Variants in DISC1 observed in about 807,000 individuals in gnomAD.
DISC1 encodes disrupted in schizophrenia 1 protein.
A neutral mutation model predicts 84.5 loss-of-function variants in DISC1; 57 were observed. The ratio of observed to expected loss-of-function variants is 0.67; its 90% CI spans 0.55 to 0.84. The LOEUF is 0.84. DISC1 is among the 40% of genes least tolerant of loss of function. DISC1 has a pLI of 0.00. For synonymous variants in DISC1, 411 were observed against 415.2 expected, an observed-to-expected ratio of 0.99 and a Z score of 0.12; for missense variants, 1,000 against 1,057.8, an observed-to-expected ratio of 0.95 and a Z score of 0.76.
chr1:231,705,763 G>A (rs148602528), intron 3 of DISC1, among the ~76,000 whole-genome samples: 1 of 152,090 alleles, frequency 6.6e-6, no homozygotes, highest in Admixed American at 6.6e-5. Flanking sequence ...AACATTTTAA[G>A]AATTGTTGAG....
chr1:231,840,241 C>T (rs1350809742), intron 9 of DISC1, among the ~76,000 whole-genome samples: 1 of 152,094 alleles, frequency 6.6e-6, no homozygotes, highest in African/African-American at 2.4e-5. Context: ...GAAGACAGTG[C>T]CAGTGGCTTA....
chr1:231,999,960 AC>A lies in DISC1; in HGVS notation c.2043-8823del, dbSNP rs559185033. On this transcript the variant is annotated intron_variant, in intron 10 of 12. Transcript: ENST00000439617. ...ACCACATATAGAAAAGTAGGACGGG[AC>A]CTGCATGATAAAGCTAAACAGAATT... Among the ~76,000 whole-genome samples the A allele has an allele frequency of 1.2e-4, 19 of 152,336 alleles. No individual in the cohort carries two copies. In the South Asian group the frequency reaches 3.7e-3, roughly 30 times the overall value.
chr1:231,996,063 G>A (rs1020956020), intron 10 of DISC1, among the ~76,000 whole-genome samples: 10 of 152,192 alleles, frequency 6.6e-5, no homozygotes, highest in African/African-American at 2.4e-4. Context: ...TCTCATCGTG[G>A]TTTTGATTTG....
intron 9 of DISC1, among the ~76,000 whole-genome samples, chr1:231,845,489 T>A (rs1317937311): frequency 1.3e-5 from 2 of 151,910 alleles, no homozygotes; most frequent in African/African-American, 4.8e-5. Context: ...AATTGCCAGG[T>A]GGATTTGGTG....
chr1:231,802,838 A>G (rs1450618297), intron 8 of DISC1, among the ~76,000 whole-genome samples: 1 of 151,774 alleles, frequency 6.6e-6, no homozygotes, highest in Non-Finnish European at 1.5e-5. Context: ...CACTACAAGG[A>G]TCTTTTTTTT....
At chr1:231,936,625 T>C (rs796537367) in intron 9 of DISC1, among the ~76,000 whole-genome samples, 24 of 152,310 alleles carry the variant, frequency 1.6e-4, no homozygotes, top group African/African-American at 5.1e-4. Context: ...ACATACAGGA[T>C]GACAAACCTG....
At chr1:231,977,154 A>G (rs1023359545) in intron 10 of DISC1, among the ~76,000 whole-genome samples, 32 of 152,322 alleles carry the variant, frequency 2.1e-4, no homozygotes, top group South Asian at 6.2e-4. Flanking sequence ...AAATTCAACA[A>G]ATTTCAATAC....
chr1:231,924,234 C>T (rs994929193), intron 9 of DISC1, among the ~76,000 whole-genome samples: 3 of 152,196 alleles, frequency 2.0e-5, no homozygotes, highest in Admixed American at 6.5e-5. Context: ...GCCTCCTTTG[C>T]GGGTCCCATC....
chr1:231,659,132 CTATT>C (rs2125352147), intron 1 of DISC1, among the ~76,000 whole-genome samples: 1 of 152,090 alleles, frequency 6.6e-6, no homozygotes, highest in African/African-American at 2.4e-5. Context: ...GGTTGGTAAG[CTATT>C]TATTACTGTC....
At chr1:232,016,570 A>C (rs539031882) in intron 11 of DISC1, among the ~76,000 whole-genome samples, 270 of 152,352 alleles carry the variant, frequency 1.8e-3, no homozygotes, top group African/African-American at 5.9e-3. Context: ...ATCCTCTTGC[A>C]TGATCGTGTA....
chr1:232,009,099 G>A lies in DISC1; in HGVS notation c.2307+50G>A, dbSNP rs1210944614. On this transcript the variant is annotated intron_variant, in intron 11 of 12. Transcript: ENST00000439617. The surrounding 1 kb of genome is among the most constrained non-coding windows in gnomAD (Gnocchi z 4.6). The stretch of plus-strand genomic sequence containing the variant: ...AGAGGGGACCCTTATTCTAAGGGGT[G>A]CTTTGGGACCATGCTCCAAATGGGA... 6.2e-7 allele frequency: 1 copy of A among 1,611,934 alleles called. No individual in the cohort carries two copies. The highest frequency in any genetic ancestry group is 8.5e-7 in the Non-Finnish European group (1 of 1,179,094).
chr1:231,694,664 C>T lies in DISC1; in HGVS notation c.906C>T (p.Ser302=). The T allele has an allele frequency of 1.2e-6, 2 of 1,614,252 alleles. No individual in the cohort carries two copies. The highest frequency in any genetic ancestry group is 1.7e-6 in the Non-Finnish European group (2 of 1,180,048). Residue 302 remains serine, a synonymous_variant, in exon 2 of 13, where the codon TCC becomes TCT. Transcript: ENST00000439617. ...TACCAGACATGGACCCTGGCTCCTCCAGTTCTCTGGATCCCTCACTGGCTG... is the reference window on the plus strand; with the variant it reads ...TACCAGACATGGACCCTGGCTCCTCTAGTTCTCTGGATCCCTCACTGGCTG... ...HSLPDMDPGS[S]SSLDPSLAGC... is the part of the protein sequence containing the mutation.
intron 9 of DISC1, among the ~76,000 whole-genome samples, chr1:231,833,283 T>C (rs1340986179): frequency 1.3e-5 from 2 of 151,354 alleles, no homozygotes; most frequent in East Asian, 3.9e-4. Flanking sequence ...TTTAGAAGCC[T>C]GGCCGTCAAT....
intron 9 of DISC1, among the ~76,000 whole-genome samples, chr1:231,949,535 A>G (rs554236840): frequency 9.3e-4 from 141 of 152,292 alleles, no homozygotes; most frequent in African/African-American, 3.2e-3. Context: ...TCCATTTGGC[A>G]TAAGGAGCAG....
intron 9 of DISC1, among the ~76,000 whole-genome samples, chr1:231,868,066 A>G (rs998984589): frequency 2.6e-5 from 4 of 152,130 alleles, no homozygotes; most frequent in Non-Finnish European, 5.9e-5. Flanking sequence ...AAAAAACAAA[A>G]CCTCAAGGAC....
intron 1 of DISC1, chr1:231,629,611 G>A (rs1204132743): frequency 1.3e-5 from 2 of 152,548 alleles, no homozygotes; most frequent in Non-Finnish European, 1.5e-5. Context: ...TCTCACCAAG[G>A]TAGACAAATA....
In DISC1 at chr1:231,949,224, A is replaced by G. The variant is rs1370679716; in HGVS notation, c.1982-9604A>G. ...CATCACCCATGTATCTATCACCTGC[A>G]TATTAAAGGAGAGGAGACCTCTGTG... is the stretch of plus-strand genomic sequence containing the variant. On this transcript the variant is annotated intron_variant, in intron 9 of 12. Coordinates refer to ENST00000439617, the MANE Select transcript of DISC1 (RefSeq NM_018662.3). Among the ~76,000 whole-genome samples the G allele has an allele frequency of 3.9e-5, 6 of 152,210 alleles. No homozygotes were observed. The South Asian group carries it at 1.2e-3, about 32-fold the overall frequency.
intron 3 of DISC1, among the ~76,000 whole-genome samples, chr1:231,712,411 C>T (rs2067993591): frequency 6.6e-6 from 1 of 152,116 alleles, no homozygotes; most frequent in Admixed American, 6.5e-5. Context: ...AACTTTGTTT[C>T]CCCACAGAAA....
In DISC1 at chr1:231,836,598, G is replaced by A. The variant is rs143117635; in HGVS notation, c.1981+18081G>A. Among the ~76,000 whole-genome samples, 762 of 152,234 alleles carry A rather than the reference G, an allele frequency of 5.0e-3. 7 individuals carry two copies. Among genetic ancestry groups the A allele is most frequent in the Non-Finnish European group, 5.8e-3 (393 of 68,002 alleles). On this transcript the variant is annotated intron_variant, in intron 9 of 12. Transcript: ENST00000439617. ...CACCTTTCTACCTGTTGCAGCTGTT[G>A]GGAGTCATTCTCCCTCCAGCCCGAC... is the stretch of plus-strand genomic sequence containing the variant.
Sources: allele counts gnomAD v4.1 joint callset (sites outside exome capture counted in the v4.1 genomes callset), GRCh38; gene constraint gnomAD v4.1.1; non-coding constraint Gnocchi (gnomAD v3.1); transcripts MANE v1.5; gene names NCBI Gene and HGNC (gene_info 2026-07-23, HGNC 2026-07-21).